RUBCN: variants seen among roughly 807,000 people sequenced by gnomAD.
The protein encoded by RUBCN is run domain Beclin-1-interacting and cysteine-rich domain-containing protein.
A neutral mutation model predicts 113.2 loss-of-function variants in RUBCN; 74 were observed. That is an observed-to-expected ratio of 0.65 (90% CI 0.54 to 0.79). The LOEUF is 0.79. Ranked by LOEUF, RUBCN falls within the 30% of genes least tolerant of loss-of-function variation. RUBCN has a pLI of 0.00. For synonymous variants in RUBCN, 480 were observed against 490.0 expected, an observed-to-expected ratio of 0.98 and a Z score of 0.27; for missense variants, 1,109 against 1,251.7, an observed-to-expected ratio of 0.89 and a Z score of 1.72.
intron 18 of RUBCN, chr3:197,676,663 C>T: frequency 7.1e-7 from 1 of 1,415,794 alleles, no homozygotes; most frequent in Non-Finnish European, 9.2e-7. Context: ...CTACCCAGGA[C>T]CACAGCCAGC....
In RUBCN at chr3:197,736,708, C is replaced by T; in HGVS notation, c.12G>A (p.Glu4=). The T allele has an allele frequency of 6.5e-7, 1 of 1,531,182 alleles. No homozygotes were observed. Among genetic ancestry groups the T allele is most frequent in the Non-Finnish European group, 8.7e-7 (1 of 1,145,596 alleles). 94.8% of individuals were successfully genotyped at this position (1,531,182 alleles called of 1,614,324 possible). The part of the protein sequence containing the change: MRP[E]GAGMELGGGE... ...CGCCTCCGAGCTCCATTCCCGCGCC[C>T]TCCGGCCGCATCCGGGGCGGTGAGG... Residue 4 remains glutamate (E), a synonymous_variant, in exon 1 of 20, where the codon GAG becomes GAA. Transcript: ENST00000296343.
rs755161633 is a variant in RUBCN, at chr3:197,683,439, G to A, written c.1848C>T (p.Phe616=). 7.5e-5 allele frequency: 121 copies of A among 1,613,918 alleles called. No individual in the cohort carries two copies. The highest frequency in any genetic ancestry group is 1.0e-4 in the Non-Finnish European group (119 of 1,180,028). ...SSKSFVSSQS[F]SHCFLHSTSA... is the part of the protein sequence containing the mutation. The stretch of plus-strand genomic sequence containing the variant: ...ACGTGGAGTGCAGGAAGCAGTGGGA[G>A]CTGGAAAGGGGAGAATCAAGGACGG... Residue 616 remains phenylalanine, a splice_region_variant and synonymous_variant, in exon 13 of 20, where the codon TTC becomes TTT. Coordinates refer to ENST00000296343, the MANE Select transcript of RUBCN (RefSeq NM_014687.4). The surrounding 1 kb of genome is among the most constrained non-coding windows in gnomAD (Gnocchi z 4.6).
chr3:197,679,128 G>A (rs1560402595), intron 16 of RUBCN, among the ~76,000 whole-genome samples: 1 of 148,030 alleles, frequency 6.8e-6, no homozygotes, highest in East Asian at 2.1e-4. Flanking sequence ...CCTATGCTCT[G>A]ACAACTGGCT....
chr3:197,733,488 A>G (rs1580394538), intron 1 of RUBCN, among the ~76,000 whole-genome samples: 1 of 152,180 alleles, frequency 6.6e-6, no homozygotes, highest in Non-Finnish European at 1.5e-5. Context: ...TCTTTAAAAT[A>G]TATAAATAAA....
intron 1 of RUBCN, among the ~76,000 whole-genome samples, chr3:197,733,074 G>A (rs570549887): frequency 1.5e-3 from 233 of 152,276 alleles, no homozygotes; most frequent in Admixed American, 2.9e-3. Context: ...AAATTAATCC[G>A]TGAACTAGGA....
rs1719587488 is a variant in RUBCN, at chr3:197,669,377, CTTG to C, written c.*5638_*5640del. Among the ~76,000 whole-genome samples, 1 of 152,204 alleles carries C rather than the reference CTTG, an allele frequency of 6.6e-6. No homozygotes were observed. Among genetic ancestry groups the C allele is most frequent in the African/African-American group, 2.4e-5 (1 of 41,456 alleles). ...TCTCGTCCGTGACGGCATCTCTTTC[CTTG>C]TTTTCGAGACCTTGGCAATTTTGAG... On this transcript the variant is annotated 3_prime_UTR_variant, in exon 20 of 20. Coordinates refer to ENST00000296343, the MANE Select transcript of RUBCN (RefSeq NM_014687.4).
intron 7 of RUBCN, chr3:197,699,231 C>A (rs1171385251): frequency 1.3e-6 from 2 of 1,548,644 alleles, no homozygotes; most frequent in Admixed American, 2.0e-5. Flanking sequence ...CCTGGGGCCT[C>A]CTGCCGGTAG....
At chr3:197,749,458 G>C in exon 1 of RUBCN, 1 of 1,268,810 alleles carries the variant, frequency 7.9e-7, no homozygotes. Context: ...GCTGTAGGTG[G>C]AGGAGCGTGC....
chr3:197,732,882 C>G (rs990700062), intron 1 of RUBCN, among the ~76,000 whole-genome samples: 3 of 152,084 alleles, frequency 2.0e-5, no homozygotes, highest in Non-Finnish European at 2.9e-5. Flanking sequence ...TGGGGGAGAC[C>G]CTCGCCTTAT....
chr3:197,677,079 G>T, intron 17 of RUBCN, 41 bp from the exon 18 acceptor site: 1 of 1,581,312 alleles, frequency 6.3e-7, no homozygotes, highest in Non-Finnish European at 8.7e-7. Flanking sequence ...AATGAACAGT[G>T]CATGTGCCAC....
intron 1 of RUBCN, among the ~76,000 whole-genome samples, chr3:197,731,838 G>A (rs1281207805): frequency 2.0e-5 from 3 of 152,190 alleles, no homozygotes; most frequent in East Asian, 1.9e-4. Context: ...GCGGCTGGCC[G>A]GGCAGAGTGG....
intron 11 of RUBCN, among the ~76,000 whole-genome samples, chr3:197,689,468 A>G (rs183965215): frequency 6.2e-4 from 94 of 152,312 alleles, no homozygotes; most frequent in Admixed American, 1.9e-3. Flanking sequence ...CCTGGTGGTG[A>G]GTGCAGATTG....
At chr3:197,723,501 T>A (rs993979731) in intron 1 of RUBCN, among the ~76,000 whole-genome samples, 10 of 152,300 alleles carry the variant, frequency 6.6e-5, no homozygotes, top group African/African-American at 2.4e-4. Context: ...AAAGTTATTT[T>A]AAACTGACAG....
intron 2 of RUBCN, among the ~76,000 whole-genome samples, chr3:197,716,708 G>A (rs1052163199): frequency 2.6e-5 from 4 of 152,122 alleles, no homozygotes; most frequent in South Asian, 2.1e-4. Flanking sequence ...GAGATGGGGC[G>A]ATTATACTGG....
chr3:197,688,219 G>A (rs1026778229), intron 11 of RUBCN, among the ~76,000 whole-genome samples: 1 of 152,154 alleles, frequency 6.6e-6, no homozygotes, highest in East Asian at 1.9e-4. Flanking sequence ...CAGAGACAGG[G>A]TTTCACCATG....
rs1356070999 is a variant in RUBCN at position 197,723,633 on chromosome 3, A to G, written c.66-5503T>C. Among the ~76,000 whole-genome samples, 5 of 152,190 alleles carry G rather than the reference A, an allele frequency of 3.3e-5. No homozygotes were observed. The East Asian group carries it at 9.6e-4, about 29-fold the overall frequency. ...CATTTTACATATTTTTATATTGCCTATCTCTTTAGTGTCTTCATCTTTTTA... is the reference window on the plus strand; with the variant it reads ...CATTTTACATATTTTTATATTGCCTGTCTCTTTAGTGTCTTCATCTTTTTA... On this transcript the variant is annotated intron_variant, in intron 1 of 19. Coordinates refer to ENST00000296343, the MANE Select transcript of RUBCN (RefSeq NM_014687.4).
intron 7 of RUBCN, among the ~76,000 whole-genome samples, chr3:197,698,576 C>CA (rs1242978475): frequency 6.6e-6 from 1 of 150,496 alleles, no homozygotes; most frequent in Admixed American, 6.6e-5. Flanking sequence ...GGAAAAAAAA[C>CA]AAAAAAACAA....
intron 9 of RUBCN, 27 bp from the exon 10 acceptor site, chr3:197,694,612 C>A (rs780418143): frequency 6.3e-7 from 1 of 1,585,750 alleles, no homozygotes; most frequent in East Asian, 2.2e-5. Flanking sequence ...ACCAAACAGG[C>A]AAAGGGTTAG....
Position 197,681,426 on chromosome 3 carries a change from G to A in RUBCN, c.2192-59C>T. On this transcript the variant is annotated intron_variant, in intron 15 of 19. Coordinates refer to ENST00000296343, the MANE Select transcript of RUBCN (RefSeq NM_014687.4). The surrounding 1 kb of genome is among the most constrained non-coding windows in gnomAD (Gnocchi z 5.5). ...AACTTTCCCATCTACAAGCTGGGAAGGCAGCTCTGCTTTTCCCTTGAAAGG... is the reference window on the plus strand; with the variant it reads ...AACTTTCCCATCTACAAGCTGGGAAAGCAGCTCTGCTTTTCCCTTGAAAGG... 1.5e-6 allele frequency: 2 copies of A among 1,317,926 alleles called. No individual in the cohort carries two copies. The highest frequency in any genetic ancestry group is 2.2e-6 in the Non-Finnish European group (2 of 913,842). 81.6% of individuals were successfully genotyped at this position (1,317,926 alleles called of 1,614,324 possible). A position where few individuals can be genotyped will look rare whatever the true frequency, so the allele number is the denominator to read the frequency against.
Sources: gnomAD v4.1 joint callset for allele counts (sites outside exome capture counted in the v4.1 genomes callset) on GRCh38, gnomAD v4.1.1 for gene constraint, Gnocchi (gnomAD v3.1) non-coding constraint, MANE v1.5 for transcripts, NCBI Gene and HGNC (gene_info 2026-07-23, HGNC 2026-07-21) for gene names.